ZNF708: variants seen among roughly 807,000 people sequenced by gnomAD.
ZNF708 encodes zinc finger protein 708, also known as ZNF15, ZNF15L1.
ZNF708 carries 44 observed loss-of-function variants against 47.0 expected under a neutral mutation model. That is an observed-to-expected ratio of 0.94 (90% CI 0.74 to 1.20). The LOEUF (loss-of-function observed/expected upper bound fraction) is 1.20. Ranked by LOEUF, ZNF708 falls within the 50% of genes most tolerant of loss-of-function variation. The probability of loss-of-function intolerance (pLI) is 0.00; values close to 1 mark genes in which losing one functional copy is unlikely to be tolerated. For synonymous variants in ZNF708, 184 were observed against 218.5 expected (o/e 0.84, Z 1.39); for missense variants, 557 against 656.0 (o/e 0.85, Z 1.65).
intron 3 of ZNF708, among the ~76,000 whole-genome samples, chr19:21,305,797 C>T (rs958437438): frequency 6.6e-6 from 1 of 152,020 alleles, no homozygotes; most frequent in Non-Finnish European, 1.5e-5. Flanking sequence ...TATAGATAAA[C>T]ACCCTTGAAA....
intron 1 of ZNF708, among the ~76,000 whole-genome samples, chr19:21,319,936 G>A (rs1973093273): frequency 1.3e-5 from 2 of 152,134 alleles, no homozygotes; most frequent in South Asian, 2.1e-4. Flanking sequence ...AGCACTTTGG[G>A]AGGCCTAGGC....
chr19:21,314,122 G>A (rs1972957541), intron 1 of ZNF708, among the ~76,000 whole-genome samples: 2 of 152,196 alleles, frequency 1.3e-5, no homozygotes, highest in Non-Finnish European at 2.9e-5. Context: ...CTCCAGGGCT[G>A]GGTGAGATCT....
At chr19:21,328,433 G>A (rs1973306954) in intron 1 of ZNF708, among the ~76,000 whole-genome samples, 1 of 152,196 alleles carries the variant, frequency 6.6e-6, no homozygotes, top group Non-Finnish European at 1.5e-5. Flanking sequence ...TAGTATTTTA[G>A]TTTATTTGCA....
intron 1 of ZNF708, among the ~76,000 whole-genome samples, chr19:21,322,554 C>T (rs991123858): frequency 1.3e-5 from 2 of 152,158 alleles, no homozygotes; most frequent in African/African-American, 4.8e-5. Context: ...CCACCCGCCT[C>T]GGCCTCCCAA....
intron 1 of ZNF708, among the ~76,000 whole-genome samples, chr19:21,320,218 A>G (rs1018257300): frequency 6.6e-6 from 1 of 151,978 alleles, no homozygotes; most frequent in African/African-American, 2.4e-5. Context: ...ACAGAACTAA[A>G]AGCAGAATTA....
chr19:21,307,944 TATC>T (rs1240401175), intron 3 of ZNF708, among the ~76,000 whole-genome samples: 1 of 152,124 alleles, frequency 6.6e-6, no homozygotes, highest in African/African-American at 2.4e-5. Flanking sequence ...ACTTATAAGT[TATC>T]ATTCTATAAA....
In ZNF708 at chr19:21,293,753, A is replaced by C; in HGVS notation, c.1213T>G (p.Ser405Ala). The C allele has an allele frequency of 6.2e-7, 1 of 1,613,362 alleles. No individual in the cohort carries two copies. Among genetic ancestry groups the C allele is most frequent in the Non-Finnish European group, 8.5e-7 (1 of 1,179,802 alleles). Residue 405 changes from serine (S) to alanine (A), a missense_variant, in exon 4 of 4, where the codon TCA (serine) becomes GCA (alanine). Physicochemically the swap from Ser to Ala is moderately conservative, Grantham distance 99. Coordinates refer to ENST00000356929, the MANE Select transcript of ZNF708 (RefSeq NM_021269.3). ...EECGKAFTKS[S>A]TLTYHKVIHT... Reference sequence around the variant, plus strand: ...ATTACCTTATGATAAGTAAGAGTTGAGGACTTGGTAAAGGCTTTACCACAT... The same window carrying C: ...ATTACCTTATGATAAGTAAGAGTTGCGGACTTGGTAAAGGCTTTACCACAT...
At chr19:21,328,140 A>C (rs182660732) in intron 1 of ZNF708, 132 of 279,664 alleles carry the variant, frequency 4.7e-4, no homozygotes, top group African/African-American at 2.9e-3. Context: ...AAAAACCTTC[A>C]CCTGAAAACA....
rs1568341016 is a variant in ZNF708 at position 21,291,216 on chromosome 19, C to CTA, written c.*2057_*2058insTA. 4.7e-5 allele frequency: 1 copy of CTA among 21,402 alleles called. No homozygotes were observed. Among genetic ancestry groups the CTA allele is most frequent in the Non-Finnish European group, 2.8e-4 (1 of 3,524 alleles). 1.3% of individuals were successfully genotyped at this position (21,402 alleles called of 1,614,324 possible). On this transcript the variant is annotated 3_prime_UTR_variant, in exon 4 of 4. Transcript: ENST00000356929. The stretch of plus-strand genomic sequence containing the variant: ...CATAAAAGTACAAATAGTAAAATAA[C>CTA]GTACTAATTTTTTAATTTTAACAAA...
chr19:21,327,864 T>C, intron 1 of ZNF708: 1 of 341,512 alleles, frequency 2.9e-6, no homozygotes, highest in Non-Finnish European at 4.6e-6. Flanking sequence ...AATCTTAATG[T>C]CTCAAGGGGT....
At position 21,293,016 on chromosome 19, in the gene ZNF708, T is replaced by C. The variant is rs1972426812; in HGVS notation, c.*258A>G. 2.5e-6 allele frequency: 1 copy of C among 407,106 alleles called. No homozygotes were observed. Among genetic ancestry groups the C allele is most frequent in the African/African-American group, 2.0e-5 (1 of 49,572 alleles). 25.2% of individuals were successfully genotyped at this position (407,106 alleles called of 1,614,324 possible). A position where few individuals can be genotyped will look rare whatever the true frequency, so the allele number is the denominator to read the frequency against. Reference sequence around the variant, plus strand: ...AAGTTTGAGGTGTTGTCAGAATTACTGTGATGTCTTCCAGCTTTGTAGTTT... The same window carrying C: ...AAGTTTGAGGTGTTGTCAGAATTACCGTGATGTCTTCCAGCTTTGTAGTTT... On this transcript the variant is annotated 3_prime_UTR_variant, in exon 4 of 4. Transcript: ENST00000356929.
chr19:21,327,816 T>G (rs1973293140), intron 1 of ZNF708: 1 of 202,262 alleles, frequency 4.9e-6, no homozygotes, highest in Non-Finnish European at 1.0e-5. Context: ...TGACCAGCAC[T>G]GTGTCTCCAA....
Position 21,329,385 on chromosome 19 carries a change from T to C in ZNF708, c.-173A>G. ...GCCGCGCCAAACCCGGAAGCCGCCC[T>C]GTCCGGTCCAGCTGCGTGTCTGAGT... On this transcript the variant is annotated 5_prime_UTR_variant, in exon 1 of 4. Coordinates refer to ENST00000356929, the MANE Select transcript of ZNF708 (RefSeq NM_021269.3). 3 of 988,956 alleles carry C rather than the reference T, an allele frequency of 3.0e-6. No homozygotes were observed. Among genetic ancestry groups the C allele is most frequent in the Non-Finnish European group, 4.6e-6 (3 of 658,106 alleles). The allele number at this position is 988,956 out of a possible 1,614,324, so 61.3% of individuals were successfully genotyped here. A position where few individuals can be genotyped will look rare whatever the true frequency, so the allele number is the denominator to read the frequency against.
chr19:21,311,144 G>T (rs563568522), intron 1 of ZNF708, among the ~76,000 whole-genome samples: 4 of 152,074 alleles, frequency 2.6e-5, no homozygotes, highest in South Asian at 4.2e-4. Context: ...CAAACATCCC[G>T]TAAGTAAAAG....
intron 1 of ZNF708, chr19:21,328,236 T>C (rs1159900374): frequency 6.5e-6 from 1 of 153,776 alleles, no homozygotes; most frequent in Non-Finnish European, 1.4e-5. Flanking sequence ...CAGGGAATTA[T>C]TTTTTGCTTT....
At position 21,294,551 on chromosome 19, in the gene ZNF708, T is replaced by C. The variant is rs1404003500; in HGVS notation, c.415A>G (p.Ile139Val). ...NRCVTTTQSKIVQCDKYVKVF... is the reference protein window; with the variant it reads ...NRCVTTTQSKVVQCDKYVKVF... ...TTCACGTATTTGTCACACTGAACTA[T>C]TTTGCTCTGGGTAGTTGTCACACAC... The change falls in exon 4 of 4, where the codon ATA becomes GTA. Residue 139 changes from isoleucine to valine, a missense_variant. By Grantham distance (29) the Ile-to-Val change is conservative. Coordinates refer to ENST00000356929, the MANE Select transcript of ZNF708 (RefSeq NM_021269.3). 2.5e-6 allele frequency: 4 copies of C among 1,614,018 alleles called. No homozygotes were observed. The African/African-American group carries it at 4.0e-5, about 16-fold the overall frequency.
chr19:21,301,876 A>G (rs1427886595), intron 3 of ZNF708, among the ~76,000 whole-genome samples: 1 of 152,220 alleles, frequency 6.6e-6, no homozygotes, highest in Non-Finnish European at 1.5e-5. Flanking sequence ...TACTTGATCC[A>G]AAATTATTTT....
intron 3 of ZNF708, among the ~76,000 whole-genome samples, chr19:21,298,190 C>G (rs954078060): frequency 1.3e-5 from 2 of 151,858 alleles, no homozygotes; most frequent in African/African-American, 4.8e-5. Flanking sequence ...TTATTTCTAA[C>G]AGAGGTATAG....
intron 2 of ZNF708, 66 bp from the exon 3 acceptor site, chr19:21,309,407 T>G: frequency 7.1e-7 from 1 of 1,416,894 alleles, no homozygotes; most frequent in Non-Finnish European, 9.5e-7. Flanking sequence ...CTAGTAATTT[T>G]CTCAGTAAAG....
Sources: allele counts gnomAD v4.1 joint callset (sites outside exome capture counted in the v4.1 genomes callset), GRCh38; gene constraint gnomAD v4.1.1; transcripts MANE v1.5; gene names NCBI Gene and HGNC (gene_info 2026-07-23, HGNC 2026-07-21).